The following SETD5 variants were observed in gnomAD, a reference collection of about 807,000 sequenced individuals.
SETD5 encodes the protein histone-lysine N-methyltransferase SETD5.
In SETD5, 44 loss-of-function variants were observed where a neutral mutation model predicts 153.3. That is an observed-to-expected ratio of 0.29 (90% CI 0.23 to 0.37). The LOEUF is 0.37. SETD5 is among the 10% of genes least tolerant of loss of function. The pLI, the probability that SETD5 is intolerant of heterozygous loss-of-function variation, is 1.00. For missense variants in SETD5, 1,544 were observed against 1,768.0 expected, an observed-to-expected ratio of 0.87 and a Z score of 2.27; for synonymous variants, 716 against 645.2, an observed-to-expected ratio of 1.11 and a Z score of -1.66.
chr3:9,456,200 C>T (rs62246310), intron 17 of SETD5, among the ~76,000 whole-genome samples: 11,347 of 144,340 alleles, frequency 0.079, 543 homozygotes, highest in Middle Eastern at 0.12. Flanking sequence ...TGAGGCTAGG[C>T]GTTGGTGGCT....
At chr3:9,467,211 A>C (rs1276418988) in intron 18 of SETD5, among the ~76,000 whole-genome samples, 2 of 151,178 alleles carry the variant, frequency 1.3e-5, no homozygotes, top group Non-Finnish European at 3.0e-5. Flanking sequence ...AAAAAAAAAA[A>C]AAAAAAAAAA....
At chr3:9,453,391 A>G (rs1254380516) in intron 16 of SETD5, among the ~76,000 whole-genome samples, 1 of 152,144 alleles carries the variant, frequency 6.6e-6, no homozygotes, top group Non-Finnish European at 1.5e-5. Context: ...GTTTTATTCT[A>G]TACGATCACA....
chr3:9,413,533 G>GC (rs775031960), intron 1 of SETD5, among the ~76,000 whole-genome samples: 21 of 151,880 alleles, frequency 1.4e-4, no homozygotes, highest in Non-Finnish European at 2.1e-4. Context: ...GCCTAGAATT[G>GC]CCATGGGCCT....
intron 7 of SETD5, among the ~76,000 whole-genome samples, chr3:9,439,928 A>G (rs1313096803): frequency 6.6e-6 from 1 of 152,240 alleles, no homozygotes; most frequent in Non-Finnish European, 1.5e-5. Flanking sequence ...TTAAGATCAC[A>G]TCTAGGTTTA....
chr3:9,445,504 G>T, intron 12 of SETD5, 153 bp from the exon 13 acceptor site: 1 of 861,622 alleles, frequency 1.2e-6, no homozygotes, highest in East Asian at 2.6e-5. Flanking sequence ...GAGAATAGGG[G>T]TTAGTTATCA....
chr3:9,463,887 G>A (rs182593897), intron 17 of SETD5, among the ~76,000 whole-genome samples: 15 of 152,312 alleles, frequency 9.8e-5, no homozygotes, highest in Non-Finnish European at 2.9e-5. Context: ...CAACACTTGG[G>A]GCGTCTAAGG....
chr3:9,475,300 G>A (rs1430530728), intron 22 of SETD5, 144 bp downstream of exon 22: 4 of 1,131,208 alleles, frequency 3.5e-6, no homozygotes, highest in Non-Finnish European at 5.0e-6. Context: ...TTGTCCTCAG[G>A]TAATAAATTA....
In SETD5 at chr3:9,448,648, T is replaced by C; in HGVS notation, c.2346+18T>C. On this transcript the variant is annotated intron_variant, in intron 16 of 22. Transcript: ENST00000402198. ...GTAAGAAGGTATGTCTGTGTTTTTG[T>C]GTGTGTGTTGTGTTTATGTGTGTGT... 7 of 1,525,196 alleles carry C rather than the reference T, an allele frequency of 4.6e-6. No individual in the cohort carries two copies. The highest frequency in any genetic ancestry group is 5.3e-6 in the Non-Finnish European group (6 of 1,135,528). The allele number at this position is 1,525,196 out of a possible 1,614,324, so 94.5% of individuals were successfully genotyped here. A position where few individuals can be genotyped will look rare whatever the true frequency, so the allele number is the denominator to read the frequency against.
rs1295263352 is a variant in SETD5 at position 9,463,838 on chromosome 3, AAAAG to A, written c.2477-580_2477-577del. 4.6e-5 allele frequency among the ~76,000 whole-genome samples: 7 copies of A among 152,360 alleles called. No individual in the cohort carries two copies. The South Asian group carries it at 8.3e-4, about 18-fold the overall frequency. ...CAAAGACTTTTCAGAAACTCAATGT[AAAAG>A]AAAGAACTGTAGCAGTGGCTCACGC... On this transcript the variant is annotated intron_variant, in intron 17 of 22. Coordinates refer to ENST00000402198, the MANE Select transcript of SETD5 (RefSeq NM_001080517.3).
chr3:9,455,575 T>G (rs1002009102), intron 17 of SETD5, among the ~76,000 whole-genome samples: 1 of 152,176 alleles, frequency 6.6e-6, no homozygotes, highest in African/African-American at 2.4e-5. Flanking sequence ...CACCAAAAAT[T>G]AGGGATATTT....
chr3:9,411,114 C>G (rs960393947), intron 1 of SETD5, among the ~76,000 whole-genome samples: 1 of 151,958 alleles, frequency 6.6e-6, no homozygotes, highest in African/African-American at 2.4e-5. Flanking sequence ...GTCTTGAACT[C>G]CTAACTTCAG....
chr3:9,405,958 T>A (rs182319543), intron 1 of SETD5, among the ~76,000 whole-genome samples: 1,740 of 152,342 alleles, frequency 0.011, 72 homozygotes, highest in Admixed American at 0.085. Context: ...AGTAGGATGA[T>A]CTGCAGTTAA....
At chr3:9,425,811 G>A (rs1221115597) in intron 2 of SETD5, among the ~76,000 whole-genome samples, 3 of 152,074 alleles carry the variant, frequency 2.0e-5, no homozygotes, top group Non-Finnish European at 4.4e-5. Context: ...GTGTACAGTC[G>A]TAATGGCTAC....
At position 9,475,937 on chromosome 3, in the gene SETD5, C is replaced by G. The variant is rs1173572206; in HGVS notation, c.4175C>G (p.Pro1392Arg). 3.7e-6 allele frequency: 6 copies of G among 1,613,982 alleles called. No homozygotes were observed. In the South Asian group the frequency reaches 5.5e-5, roughly 15 times the overall value. ...TCAGACTTACGGACTATCAGTCTGCCCAGTGCTGGGCAGTCAGCTGTCTAC... is the reference window on the plus strand; with the variant it reads ...TCAGACTTACGGACTATCAGTCTGCGCAGTGCTGGGCAGTCAGCTGTCTAC... ...LPSDLRTISL[P>R]SAGQSAVYQA... Residue 1392 changes from proline (P) to arginine (R), a missense_variant, in exon 23 of 23, where the codon CCC (proline) becomes CGC (arginine). Around this residue, in one of 9 missense-constraint regions of SETD5, gnomAD observed 302 missense variants for 277.6 expected, o/e 1.09. Coordinates refer to ENST00000402198, the MANE Select transcript of SETD5 (RefSeq NM_001080517.3).
rs755386275 is a variant in SETD5 at position 9,473,262 on chromosome 3, G to A, written c.3222G>A (p.Arg1074=). 6.2e-6 allele frequency: 10 copies of A among 1,613,302 alleles called. No homozygotes were observed. Among genetic ancestry groups the A allele is most frequent in the Non-Finnish European group, 8.5e-6 (10 of 1,179,394 alleles). Residue 1074 remains arginine, a synonymous_variant, in exon 20 of 23, where the codon CGG becomes CGA. Transcript: ENST00000402198. ...TATCCCTGCTGGAGTACCGAAAACG[G>A]AAACAAGAAGCTAAGGAAAATTCTG... is the stretch of plus-strand genomic sequence containing the variant. ...KKVSLLEYRK[R]KQEAKENSAG... is the part of the protein sequence containing the mutation.
intron 1 of SETD5, among the ~76,000 whole-genome samples, chr3:9,407,551 T>C (rs1349462661): frequency 2.6e-5 from 4 of 152,302 alleles, no homozygotes; most frequent in Non-Finnish European, 5.9e-5. Context: ...TCCCACTTCA[T>C]GAAATGACTA....
chr3:9,415,013 G>C (rs2037200111), intron 1 of SETD5, among the ~76,000 whole-genome samples: 1 of 152,154 alleles, frequency 6.6e-6, no homozygotes, highest in Non-Finnish European at 1.5e-5. Context: ...ACTCTGTTTA[G>C]TGCTAGAATT....
At chr3:9,448,816 G>A (rs1316097368) in intron 16 of SETD5, among the ~76,000 whole-genome samples, 186 bp downstream of exon 16, 1 of 152,168 alleles carries the variant, frequency 6.6e-6, no homozygotes, top group Non-Finnish European at 1.5e-5. Flanking sequence ...TGAGACTGTG[G>A]TGGAATGAAT....
At chr3:9,459,271 TA>T (rs1236425249) in intron 17 of SETD5, among the ~76,000 whole-genome samples, 14 of 152,216 alleles carry the variant, frequency 9.2e-5, no homozygotes, top group Non-Finnish European at 2.9e-5. Context: ...AGGTTAAAAA[TA>T]ATCTGAATTC....
Sources: allele counts gnomAD v4.1 joint callset (sites outside exome capture counted in the v4.1 genomes callset), GRCh38; gene constraint gnomAD v4.1.1; regional missense constraint gnomAD v4.1.1; transcripts MANE v1.5; gene names NCBI Gene and HGNC (gene_info 2026-07-23, HGNC 2026-07-21).